The following CDH12 variants were observed in gnomAD, a reference collection of about 807,000 sequenced individuals.
The protein encoded by CDH12 is cadherin-12.
A neutral mutation model predicts 74.1 loss-of-function variants in CDH12; 41 were observed. The ratio of observed to expected loss-of-function variants is 0.55; its 90% CI spans 0.43 to 0.72. The LOEUF is 0.72. Among genes scored for constraint, CDH12 ranks in the 30% least tolerant of loss-of-function variants. The pLI is 0.00. For synonymous variants in CDH12, 399 were observed against 355.0 expected, an observed-to-expected ratio of 1.12 and a Z score of -1.39; for missense variants, 945 against 977.2, an observed-to-expected ratio of 0.97 and a Z score of 0.44.
chr5:22,569,094 T>A (rs1018761267), intron 1 of CDH12, among the ~76,000 whole-genome samples: 1 of 152,216 alleles, frequency 6.6e-6, no homozygotes, highest in Non-Finnish European at 1.5e-5. Flanking sequence ...TACTGTTCAA[T>A]AGCATTTGAT....
rs1217116050 is a variant in CDH12 at position 22,474,638 on chromosome 5, T to C, written c.-428+30632A>G. Among the ~76,000 whole-genome samples, 7 of 152,260 alleles carry C rather than the reference T, an allele frequency of 4.6e-5. No homozygotes were observed. In the South Asian group the frequency reaches 1.0e-3, roughly 23 times the overall value. On this transcript the variant is annotated intron_variant, in intron 2 of 14. Transcript: ENST00000382254. ...GAATGTGTAATTAAGTGGATACACA[T>C]GACCAGAGAGACAGATAGCCTTAGC...
intron 1 of CDH12, among the ~76,000 whole-genome samples, chr5:22,528,457 T>C (rs1436796981): frequency 6.6e-6 from 1 of 152,102 alleles, no homozygotes; most frequent in African/African-American, 2.4e-5. Context: ...AGCCTGTGAG[T>C]CTGAGAGCTC....
chr5:21,846,271 G>A (rs1750161916), intron 7 of CDH12, among the ~76,000 whole-genome samples: 1 of 152,116 alleles, frequency 6.6e-6, no homozygotes, highest in Admixed American at 6.6e-5. Context: ...TATAAAACCT[G>A]CTGCATTTCA....
chr5:22,717,247 T>C (rs1417218579), intron 1 of CDH12, among the ~76,000 whole-genome samples: 1 of 152,170 alleles, frequency 6.6e-6, no homozygotes, highest in East Asian at 1.9e-4. Flanking sequence ...GGTGAACCTT[T>C]TTTTTTAATC....
rs551757634 is a variant in CDH12 at position 22,524,462 on chromosome 5, C to T, written c.-522-19098G>A. Among the ~76,000 whole-genome samples the T allele has an allele frequency of 2.0e-5, 3 of 152,102 alleles. No individual in the cohort carries two copies. In the East Asian group the frequency reaches 5.8e-4, roughly 29 times the overall value. ...TTATGTGTCTCATTGTCTAATATACCCTACTATATTTTAAAACGGCCAAGC... is the reference window on the plus strand; with the variant it reads ...TTATGTGTCTCATTGTCTAATATACTCTACTATATTTTAAAACGGCCAAGC... On this transcript the variant is annotated intron_variant, in intron 1 of 14. Transcript: ENST00000382254.
chr5:22,140,765 C>G (rs1428996708), intron 4 of CDH12, among the ~76,000 whole-genome samples: 1 of 152,118 alleles, frequency 6.6e-6, no homozygotes. Context: ...TTAGGACACA[C>G]AGGTCACCAA....
At position 22,062,508 on chromosome 5, in the gene CDH12, C is replaced by T. The variant is rs192888076; in HGVS notation, c.231+15938G>A. On this transcript the variant is annotated intron_variant, in intron 5 of 14. Coordinates refer to ENST00000382254, the MANE Select transcript of CDH12 (RefSeq NM_004061.5). The stretch of plus-strand genomic sequence containing the variant: ...CTTAGACAATAGGCTTACCTAAAAA[C>T]GCTTTTAAAAAGATCTGGAATTGTT... Among the ~76,000 whole-genome samples the T allele has an allele frequency of 2.6e-3, 403 of 152,170 alleles. 1 individual carries two copies. Among genetic ancestry groups the T allele is most frequent in the Non-Finnish European group, 3.8e-3 (260 of 67,982 alleles).
chr5:21,920,880 T>C (rs1366257529), intron 6 of CDH12, among the ~76,000 whole-genome samples: 2 of 152,072 alleles, frequency 1.3e-5, no homozygotes, highest in Admixed American at 6.6e-5. Flanking sequence ...GAAACAGGAA[T>C]AGTAGTGAGG....
chr5:22,509,934 C>G (rs1736533110), intron 1 of CDH12, among the ~76,000 whole-genome samples: 1 of 151,830 alleles, frequency 6.6e-6, no homozygotes, highest in African/African-American at 2.4e-5. Flanking sequence ...TCAGTAGGAC[C>G]TCAGCAGAGC....
At chr5:22,091,236 T>C (rs925285562) in intron 4 of CDH12, among the ~76,000 whole-genome samples, 1 of 148,924 alleles carries the variant, frequency 6.7e-6, no homozygotes, top group Non-Finnish European at 1.5e-5. Context: ...AGTAAATATT[T>C]TAAAGTATAT....
At chr5:22,494,421 A>T (rs74920734) in intron 2 of CDH12, among the ~76,000 whole-genome samples, 21,462 of 152,216 alleles carry the variant, frequency 0.14, 2,283 homozygotes, top group East Asian at 0.36. Context: ...GGCTCCGGCT[A>T]TCCACAACCC....
Position 22,263,614 on chromosome 5 carries a change from T to C in CDH12, c.-332-50971A>G, listed in dbSNP as rs144782380. ...TATGCATCTATGTTTTTATTAGAAATGCAATGATACAATTTTTAATTTCAC... is the reference window on the plus strand; with the variant it reads ...TATGCATCTATGTTTTTATTAGAAACGCAATGATACAATTTTTAATTTCAC... On this transcript the variant is annotated intron_variant, in intron 3 of 14. Coordinates refer to ENST00000382254, the MANE Select transcript of CDH12 (RefSeq NM_004061.5). Among the ~76,000 whole-genome samples, 136 of 152,222 alleles carry C rather than the reference T, an allele frequency of 8.9e-4. 1 individual carries two copies. The highest frequency in any genetic ancestry group is 5.0e-4 in the Non-Finnish European group (34 of 67,992).
At chr5:22,709,429 T>G (rs2126971693) in intron 1 of CDH12, among the ~76,000 whole-genome samples, 1 of 152,236 alleles carries the variant, frequency 6.6e-6, no homozygotes, top group Non-Finnish European at 1.5e-5. Context: ...ATTTAACAAC[T>G]CATCTGTCAG....
chr5:22,686,933 A>G (rs554586679), intron 1 of CDH12, among the ~76,000 whole-genome samples: 1 of 152,302 alleles, frequency 6.6e-6, no homozygotes, highest in Non-Finnish European at 1.5e-5. Context: ...CTCTGCCTCA[A>G]AAGTTGTCCC....
At chr5:22,388,786 T>TA (rs1742109288) in intron 3 of CDH12, among the ~76,000 whole-genome samples, 2 of 152,326 alleles carry the variant, frequency 1.3e-5, no homozygotes, top group South Asian at 4.1e-4. Context: ...GCCTTAAATA[T>TA]AACTCTTCTG....
intron 3 of CDH12, among the ~76,000 whole-genome samples, chr5:22,228,289 G>A (rs1440047162): frequency 4.0e-5 from 6 of 151,838 alleles, no homozygotes; most frequent in African/African-American, 1.5e-4. Context: ...AAAAGACATT[G>A]GCCAAATATA....
intron 6 of CDH12, among the ~76,000 whole-genome samples, chr5:21,960,196 A>C (rs1756293389): frequency 6.6e-6 from 1 of 152,156 alleles, no homozygotes; most frequent in Non-Finnish European, 1.5e-5. Flanking sequence ...AGTCTGATAG[A>C]CATCTACAGA....
chr5:22,689,914 A>G (rs1282130043), intron 1 of CDH12, among the ~76,000 whole-genome samples: 1 of 152,086 alleles, frequency 6.6e-6, no homozygotes, highest in Non-Finnish European at 1.5e-5. Flanking sequence ...TAGCTATAAA[A>G]TACATGAAAG....
chr5:22,576,971 C>G (rs1041106369), intron 1 of CDH12, among the ~76,000 whole-genome samples: 1 of 152,034 alleles, frequency 6.6e-6, no homozygotes, highest in Non-Finnish European at 1.5e-5. Context: ...CCATATTTCT[C>G]TAGAATCATA....
Sources: gnomAD v4.1 joint callset for allele counts (sites outside exome capture counted in the v4.1 genomes callset) on GRCh38, gnomAD v4.1.1 for gene constraint, MANE v1.5 for transcripts, NCBI Gene and HGNC (gene_info 2026-07-23, HGNC 2026-07-21) for gene names.